CAST: variants seen among roughly 807,000 people sequenced by gnomAD.
CAST encodes calpastatin, also known as MIR583 host.
Under a neutral mutation model 119.6 loss-of-function variants are expected in CAST, and 76 were observed. The observed-to-expected ratio is 0.64, with a 90% confidence interval of 0.53 to 0.77. The LOEUF (loss-of-function observed/expected upper bound fraction) is 0.77, where lower values mean the gene tolerates loss of function less well. Ranked by LOEUF, CAST falls within the 30% of genes least tolerant of loss-of-function variation. CAST has a pLI of 0.00. For missense variants in CAST, 953 were observed against 946.5 expected, an observed-to-expected ratio of 1.01 and a Z score of -0.09; for synonymous variants, 319 against 331.6, an observed-to-expected ratio of 0.96 and a Z score of 0.41.
the CAST span, among the ~76,000 whole-genome samples, chr5:96,050,759 C>T: frequency 1.3e-5 from 2 of 152,070 alleles, no homozygotes; most frequent in African/African-American, 2.4e-5. Flanking sequence ...CTCCCTCTTG[C>T]AGCTGTGGGA....
At chr5:96,013,056 T>C in the CAST span, among the ~76,000 whole-genome samples, 1 of 152,180 alleles carries the variant, frequency 6.6e-6, no homozygotes, top group African/African-American at 2.4e-5. Context: ...AAATCATTAT[T>C]AAGTCTTGGT....
chr5:96,162,180 G>A, the CAST span, among the ~76,000 whole-genome samples: 2 of 152,190 alleles, frequency 1.3e-5, no homozygotes, highest in African/African-American at 4.8e-5. Context: ...CAACATCCAT[G>A]TCTTGTTCCT....
intron 1 of CAST, among the ~76,000 whole-genome samples, chr5:96,559,191 A>G (rs1746306432): frequency 6.6e-6 from 1 of 152,172 alleles, no homozygotes; most frequent in Admixed American, 6.5e-5. Context: ...TAAATTAGGT[A>G]TTGATGGGAA....
chr5:96,697,047 A>T (rs1283109926), intron 3 of CAST, among the ~76,000 whole-genome samples: 1 of 152,022 alleles, frequency 6.6e-6, no homozygotes, highest in Non-Finnish European at 1.5e-5. Context: ...GCGCACCTGT[A>T]GTCCCAGCTA....
the CAST span, among the ~76,000 whole-genome samples, chr5:96,101,883 C>T: frequency 6.6e-6 from 1 of 152,286 alleles, no homozygotes; most frequent in African/African-American, 2.4e-5. Context: ...TCATGCCATC[C>T]CTGCAGCCAG....
chr5:96,332,092 G>C, the CAST span, among the ~76,000 whole-genome samples: 5 of 152,320 alleles, frequency 3.3e-5, no homozygotes, highest in Admixed American at 3.3e-4. Context: ...GAGTCCCCCA[G>C]TTGTAAAAGA....
At chr5:96,373,477 T>C in the CAST span, among the ~76,000 whole-genome samples, 3 of 152,222 alleles carry the variant, frequency 2.0e-5, no homozygotes, top group African/African-American at 7.2e-5. Context: ...TCACAGAGGA[T>C]GTGTCCATTT....
intron 1 of CAST, among the ~76,000 whole-genome samples, chr5:96,629,554 TA>T (rs1196165944): frequency 1.3e-5 from 2 of 152,232 alleles, no homozygotes; most frequent in African/African-American, 4.8e-5. Context: ...ATCTTCTTGC[TA>T]AAAAGTATGG....
chr5:96,752,746 A>G (rs1434447110), intron 20 of CAST, among the ~76,000 whole-genome samples: 1 of 151,882 alleles, frequency 6.6e-6, no homozygotes, highest in African/African-American at 2.4e-5. Flanking sequence ...ACAGAAATAC[A>G]GTTTTACTCT....
the CAST span, among the ~76,000 whole-genome samples, chr5:96,260,014 T>C: frequency 6.6e-6 from 1 of 152,096 alleles, no homozygotes; most frequent in Non-Finnish European, 1.5e-5. Flanking sequence ...CAGAGTCCCA[T>C]TTTCCATCCT....
chr5:96,763,104 G>A, intron 25 of CAST: 1 of 777,408 alleles, frequency 1.3e-6, no homozygotes, highest in Non-Finnish European at 2.4e-6. Context: ...GCTAGATGGA[G>A]ATGAAGTAAC....
chr5:96,258,748 T>A, the CAST span, among the ~76,000 whole-genome samples: 3 of 152,228 alleles, frequency 2.0e-5, no homozygotes, highest in African/African-American at 7.2e-5. Context: ...AAAATTGGCT[T>A]ATGAAGTTAT....
chr5:96,490,164 C>T, the CAST span, among the ~76,000 whole-genome samples: 4 of 152,176 alleles, frequency 2.6e-5, no homozygotes, highest in African/African-American at 9.6e-5. Flanking sequence ...GAACAAAGTT[C>T]AAAATACCTA....
intron 29 of CAST, 184 bp from the exon 30 acceptor site, chr5:96,770,347 C>T: frequency 1.8e-6 from 1 of 551,246 alleles, no homozygotes. Context: ...TCCTTTTTCC[C>T]TCCTGCTTTA....
At chr5:96,749,601 T>C (rs758782448) in intron 19 of CAST, among the ~76,000 whole-genome samples, 42 of 152,204 alleles carry the variant, frequency 2.8e-4, no homozygotes, top group Non-Finnish European at 4.0e-4. Context: ...GCTGGGAGTG[T>C]AGTGGCACAG....
chr5:96,344,284 T>C, the CAST span, among the ~76,000 whole-genome samples: 1 of 152,204 alleles, frequency 6.6e-6, no homozygotes, highest in East Asian at 1.9e-4. Context: ...GATTATTCTC[T>C]TATAGCCATG....
the CAST span, among the ~76,000 whole-genome samples, chr5:96,496,061 T>G: frequency 1.3e-5 from 2 of 152,174 alleles, no homozygotes; most frequent in Non-Finnish European, 2.9e-5. Flanking sequence ...TACAAGTGGC[T>G]GGTCATAAAA....
At chr5:96,572,248 T>A (rs1252594386) in intron 1 of CAST, among the ~76,000 whole-genome samples, 1 of 151,928 alleles carries the variant, frequency 6.6e-6, no homozygotes, top group Non-Finnish European at 1.5e-5. Flanking sequence ...TCTCCCAGGC[T>A]GGAGTGCAGT....
chr5:96,190,639 C>T, the CAST span, among the ~76,000 whole-genome samples: 22 of 152,098 alleles, frequency 1.4e-4, no homozygotes, highest in African/African-American at 4.3e-4. Flanking sequence ...TGTCTTTTTG[C>T]GGCAACCTGT....
Sources: allele counts gnomAD v4.1 joint callset (sites outside exome capture counted in the v4.1 genomes callset), GRCh38; gene constraint gnomAD v4.1.1; transcripts MANE v1.5; gene names NCBI Gene and HGNC (gene_info 2026-07-23, HGNC 2026-07-21).